Variants in TENM2 observed in about 807,000 individuals in gnomAD.
TENM2 encodes teneurin-2.
TENM2 carries 52 observed loss-of-function variants against 245.2 expected under a neutral mutation model. That is an observed-to-expected ratio of 0.21 (90% CI 0.17 to 0.27). TENM2 has a LOEUF of 0.27. Ranked by LOEUF, TENM2 falls within the 10% of genes least tolerant of loss-of-function variation. The pLI, the probability that TENM2 is intolerant of heterozygous loss-of-function variation, is 1.00. For missense variants in TENM2, 3,046 were observed against 3,666.8 expected (o/e 0.83, Z 4.37); for synonymous variants, 1,363 against 1,438.9 (o/e 0.95, Z 1.19).
chr5:168,014,380 G>C (rs1388413839), intron 5 of TENM2, among the ~76,000 whole-genome samples: 1 of 152,068 alleles, frequency 6.6e-6, no homozygotes, highest in Non-Finnish European at 1.5e-5. Flanking sequence ...TAATTAGTAA[G>C]TAAGAGGGCC....
chr5:168,207,237 C>A (rs1762420632), intron 19 of TENM2, among the ~76,000 whole-genome samples: 1 of 152,130 alleles, frequency 6.6e-6, no homozygotes, highest in African/African-American at 2.4e-5. Context: ...GAGGTCCTGG[C>A]CCACACTAGG....
rs777416334 is a variant in TENM2 at position 168,199,029 on chromosome 5, G to A, written c.3077G>A (p.Arg1026Gln). 29 of 1,613,676 alleles carry A rather than the reference G, an allele frequency of 1.8e-5. No individual in the cohort carries two copies. Among genetic ancestry groups the A allele is most frequent in the South Asian group, 5.5e-5 (5 of 91,038 alleles). The change falls in exon 16 of 29, where the codon CGG becomes CAG. Residue 1026 changes from arginine (R) to glutamine (Q), a missense_variant. Transcript: ENST00000518659. The stretch of plus-strand genomic sequence containing the variant: ...AGCTGTGACCTCAGTGGCTTTGTCC[G>A]GCCTGATCCAATCATCATCTCCTCC...
chr5:167,795,637 A>G (rs1013600019), intron 2 of TENM2, among the ~76,000 whole-genome samples: 1 of 152,192 alleles, frequency 6.6e-6, no homozygotes, highest in Non-Finnish European at 1.5e-5. Flanking sequence ...AGCCACAAGA[A>G]GCACCAGGAA....
At chr5:167,520,055 T>G (rs1562022543) in intron 2 of TENM2, among the ~76,000 whole-genome samples, 4 of 152,174 alleles carry the variant, frequency 2.6e-5, no homozygotes, top group Non-Finnish European at 5.9e-5. Flanking sequence ...AAGCATAGGC[T>G]AAATGGGACC....
intron 2 of TENM2, among the ~76,000 whole-genome samples, chr5:167,695,541 T>C (rs1757701581): frequency 6.6e-6 from 1 of 152,132 alleles, no homozygotes; most frequent in South Asian, 2.1e-4. Context: ...CTTTAATGCC[T>C]CTCTAAAACA....
intron 2 of TENM2, among the ~76,000 whole-genome samples, chr5:167,654,342 G>A (rs1268395853): frequency 6.6e-6 from 1 of 152,052 alleles, no homozygotes; most frequent in Non-Finnish European, 1.5e-5. Context: ...GGTGCACAGG[G>A]GTCCACGATG....
intron 2 of TENM2, among the ~76,000 whole-genome samples, chr5:167,780,024 G>A (rs1164650480): frequency 3.9e-5 from 6 of 152,214 alleles, no homozygotes; most frequent in African/African-American, 1.2e-4. Flanking sequence ...GTAGAGAGAA[G>A]GGAGAAGTTC....
chr5:167,532,765 T>TCCC (rs1435734113), intron 2 of TENM2, among the ~76,000 whole-genome samples: 9 of 150,206 alleles, frequency 6.0e-5, no homozygotes, highest in African/African-American at 2.2e-4. Flanking sequence ...CACATATGTG[T>TCCC]ATATATACAC....
chr5:167,084,032 T>G, the TENM2 span, among the ~76,000 whole-genome samples: 7 of 151,936 alleles, frequency 4.6e-5, no homozygotes, highest in African/African-American at 1.2e-4. Flanking sequence ...GTCATCAATT[T>G]AGATTTGAAT....
chr5:167,735,545 A>T (rs947718611), intron 2 of TENM2, among the ~76,000 whole-genome samples: 1 of 152,208 alleles, frequency 6.6e-6, no homozygotes, highest in Non-Finnish European at 1.5e-5. Context: ...GACCAGGCTG[A>T]GTGCAGTGTC....
intron 2 of TENM2, among the ~76,000 whole-genome samples, chr5:167,498,310 C>A (rs1478052777): frequency 1.3e-5 from 2 of 152,098 alleles, no homozygotes; most frequent in Non-Finnish European, 2.9e-5. Context: ...CAGACATTGT[C>A]TTGATTTGTA....
intron 2 of TENM2, among the ~76,000 whole-genome samples, chr5:167,808,284 G>T (rs1033144787): frequency 1.3e-5 from 2 of 152,150 alleles, no homozygotes; most frequent in Admixed American, 1.3e-4. Context: ...GTTTGAGGTA[G>T]AGTCTCACTC....
intron 25 of TENM2, chr5:168,229,603 G>GTT (rs397882176): frequency 3.6e-5 from 5 of 139,398 alleles, no homozygotes; most frequent in African/African-American, 1.7e-4. Context: ...CAAAGAAAGA[G>GTT]TTTATCAAAT....
intron 9 of TENM2, among the ~76,000 whole-genome samples, chr5:168,112,614 G>GGGA (rs149417434): frequency 8.3e-6 from 1 of 121,136 alleles, no homozygotes; most frequent in African/African-American, 3.1e-5. Flanking sequence ...GGCGGGGGGG[G>GGGA]GGTCAAACTT....
chr5:167,416,906 C>T (rs1763196722), intron 2 of TENM2, among the ~76,000 whole-genome samples: 1 of 152,190 alleles, frequency 6.6e-6, no homozygotes, highest in South Asian at 2.1e-4. Flanking sequence ...ATGATTGTTT[C>T]GAGATCATTC....
chr5:168,033,320 A>T (rs1200578157), intron 5 of TENM2: 1 of 152,210 alleles, frequency 6.6e-6, no homozygotes, highest in Non-Finnish European at 1.5e-5. Context: ...AGCACTAGAA[A>T]TGCAGTTAGG....
At chr5:167,806,319 A>G (rs146137192) in intron 2 of TENM2, among the ~76,000 whole-genome samples, 7 of 152,322 alleles carry the variant, frequency 4.6e-5, no homozygotes, top group Admixed American at 1.3e-4. Context: ...CATGTCATAT[A>G]ACTGATTTTT....
At chr5:168,170,585 G>A (rs903079928) in intron 13 of TENM2, among the ~76,000 whole-genome samples, 1 of 151,308 alleles carries the variant, frequency 6.6e-6, no homozygotes, top group African/African-American at 2.4e-5. Flanking sequence ...AGGAAGGAAG[G>A]AATTCTCTTG....
At chr5:167,297,217 TAG>T (rs1754993409) in intron 1 of TENM2, among the ~76,000 whole-genome samples, 1 of 152,218 alleles carries the variant, frequency 6.6e-6, no homozygotes, top group Non-Finnish European at 1.5e-5. Flanking sequence ...AAGCTCATAA[TAG>T]AGTCTTTTGA....
Sources: gnomAD v4.1 joint callset for allele counts (sites outside exome capture counted in the v4.1 genomes callset) on GRCh38, gnomAD v4.1.1 for gene constraint, MANE v1.5 for transcripts, NCBI Gene and HGNC (gene_info 2026-07-23, HGNC 2026-07-21) for gene names.